Variants in GAS7 observed in about 807,000 individuals in gnomAD.
GAS7 encodes growth arrest specific 7, also known as growth arrest-specific protein 7.
In GAS7, 28 loss-of-function variants were observed where a neutral mutation model predicts 71.1. The observed-to-expected ratio is 0.39, with a 90% confidence interval of 0.29 to 0.54. The LOEUF (loss-of-function observed/expected upper bound fraction) is 0.54, where lower values mean the gene tolerates loss of function less well. GAS7 is among the 20% of genes least tolerant of loss of function. The pLI is 0.62. For missense variants in GAS7, 436 were observed against 627.8 expected, an observed-to-expected ratio of 0.69 and a Z score of 3.27; for synonymous variants, 258 against 245.8, an observed-to-expected ratio of 1.05 and a Z score of -0.46.
At chr17:10,118,222 C>T (rs1017074211) in intron 1 of GAS7, among the ~76,000 whole-genome samples, 6 of 152,136 alleles carry the variant, frequency 3.9e-5, no homozygotes, top group African/African-American at 1.4e-4. Flanking sequence ...CCTGAGCCCT[C>T]GGTTTCTCAG....
At chr17:10,017,474 G>A (rs148855680) in intron 2 of GAS7, among the ~76,000 whole-genome samples, 11 of 152,034 alleles carry the variant, frequency 7.2e-5, no homozygotes, top group Admixed American at 3.9e-4. Context: ...GACTACAGGC[G>A]CCCGCCACCA....
At chr17:10,067,050 C>A (rs1567577692) in intron 1 of GAS7, among the ~76,000 whole-genome samples, 1 of 152,142 alleles carries the variant, frequency 6.6e-6, no homozygotes, top group South Asian at 2.1e-4. Flanking sequence ...AAAAATTGGC[C>A]TCTCTTTGCT....
intron 1 of GAS7, chr17:10,036,475 G>C: frequency 6.2e-7 from 1 of 1,613,804 alleles, no homozygotes; most frequent in Non-Finnish European, 8.5e-7. Flanking sequence ...TGCTACCTCA[G>C]AGGAGAGTCT....
rs545557656 is a variant in GAS7 at position 9,926,651 on chromosome 17, G to A, written c.1004C>T (p.Ser335Leu). 1.4e-5 allele frequency: 22 copies of A among 1,613,522 alleles called. No individual in the cohort carries two copies. Among genetic ancestry groups the A allele is most frequent in the African/African-American group, 8.0e-5 (6 of 75,054 alleles). ...TCCTGGGCCTCTCACCTTCTCCACC[G>A]AGGCATAGCGGCTGGCGAGCTGCTT... ...LRKQLASRYA[S>L]VEKARKALTE... Residue 335 changes from serine (S) to leucine (L), a missense_variant, in exon 10 of 14, where the codon TCG becomes TTG. Physicochemically the swap from Ser to Leu is moderately radical, Grantham distance 145. Coordinates refer to ENST00000432992, the MANE Select transcript of GAS7 (RefSeq NM_201433.2). This position sits in a 1 kb window ranked among gnomAD's most constrained non-coding sequence, Gnocchi z 5.0.
At chr17:10,044,898 CA>C (rs1271553596) in intron 1 of GAS7, among the ~76,000 whole-genome samples, 44 of 152,026 alleles carry the variant, frequency 2.9e-4, no homozygotes, top group Non-Finnish European at 4.3e-4. Flanking sequence ...ACTGAAAATA[CA>C]AAAAATTAGC....
chr17:10,073,737 G>A (rs542799028), intron 1 of GAS7, among the ~76,000 whole-genome samples: 1 of 152,206 alleles, frequency 6.6e-6, no homozygotes, highest in Non-Finnish European at 1.5e-5. Flanking sequence ...GTGCGTGACA[G>A]CTACACGGGC....
chr17:10,118,184 G>T (rs1302581620), intron 1 of GAS7, among the ~76,000 whole-genome samples: 1 of 134,656 alleles, frequency 7.4e-6, no homozygotes, highest in African/African-American at 2.6e-5. Context: ...AAGACAAGAT[G>T]ATAGAGATGG....
In GAS7 at chr17:10,103,555, A is replaced by G. The variant is rs556489259; in HGVS notation, c.184-83658T>C. On this transcript the variant is annotated intron_variant, in intron 1 of 13. Coordinates refer to ENST00000432992, the MANE Select transcript of GAS7 (RefSeq NM_201433.2). The surrounding 1 kb of genome is among the most constrained non-coding windows in gnomAD (Gnocchi z 5.5). Reference sequence around the variant, plus strand: ...GATAGGAACAACCCGGCCAGGCGCGATGGCTCCCACCTGTAATCCCAGCAC... The same window carrying G: ...GATAGGAACAACCCGGCCAGGCGCGGTGGCTCCCACCTGTAATCCCAGCAC... Among the ~76,000 whole-genome samples the G allele has an allele frequency of 1.3e-5, 2 of 149,712 alleles. No homozygotes were observed. The highest frequency in any genetic ancestry group is 2.1e-4 in the South Asian group (1 of 4,684).
intron 3 of GAS7, among the ~76,000 whole-genome samples, chr17:9,972,771 T>C (rs550305491): frequency 6.6e-6 from 1 of 151,746 alleles, no homozygotes; most frequent in South Asian, 2.1e-4. Context: ...AAGATCCCCA[T>C]CCCCCCAACT....
intron 4 of GAS7, among the ~76,000 whole-genome samples, chr17:9,962,276 C>T (rs2069530490): frequency 1.3e-5 from 2 of 149,148 alleles, no homozygotes; most frequent in South Asian, 2.1e-4. Flanking sequence ...ACGTGACACA[C>T]ACACTATCAT....
chr17:10,109,046 G>T (rs2073785582), intron 1 of GAS7, among the ~76,000 whole-genome samples: 1 of 151,896 alleles, frequency 6.6e-6, no homozygotes, highest in Non-Finnish European at 1.5e-5. Context: ...CTATTGAATG[G>T]GAGAGAATAT....
chr17:10,109,782 G>A (rs1022256809), intron 1 of GAS7, among the ~76,000 whole-genome samples: 20 of 152,134 alleles, frequency 1.3e-4, no homozygotes, highest in Non-Finnish European at 2.4e-4. Context: ...AGGGCCAGGC[G>A]CGGTGGTACA....
intron 9 of GAS7, among the ~76,000 whole-genome samples, chr17:9,929,210 T>C (rs1049052041): frequency 1.3e-5 from 2 of 152,150 alleles, no homozygotes; most frequent in Non-Finnish European, 2.9e-5. Context: ...CCGGGGTCTC[T>C]AAGGACATGG....
At chr17:10,086,092 C>T (rs1162763180) in intron 1 of GAS7, among the ~76,000 whole-genome samples, 2 of 152,180 alleles carry the variant, frequency 1.3e-5, no homozygotes, top group Admixed American at 6.5e-5. Context: ...CCCAGGCAGG[C>T]GCGACCATGA....
chr17:9,963,692 A>G (rs2069593053), intron 4 of GAS7, among the ~76,000 whole-genome samples: 1 of 152,112 alleles, frequency 6.6e-6, no homozygotes, highest in Admixed American at 6.6e-5. Context: ...TAATGGTGTC[A>G]CTGTACTGTA....
intron 1 of GAS7, among the ~76,000 whole-genome samples, chr17:10,058,927 T>C (rs1261186870): frequency 2.0e-5 from 3 of 152,234 alleles, no homozygotes; most frequent in Non-Finnish European, 2.9e-5. Flanking sequence ...CAGAGGCCGA[T>C]CCAGATCAAG....
intron 1 of GAS7, among the ~76,000 whole-genome samples, chr17:10,166,168 C>T (rs889418583): frequency 3.3e-5 from 5 of 152,072 alleles, no homozygotes; most frequent in Non-Finnish European, 7.4e-5. Flanking sequence ...GGACTACAGG[C>T]ACACATCACC....
At chr17:9,927,999 C>CT (rs1247572522) in intron 9 of GAS7, among the ~76,000 whole-genome samples, 3 of 152,184 alleles carry the variant, frequency 2.0e-5, no homozygotes, top group Non-Finnish European at 4.4e-5. Context: ...GGGTTTTAAG[C>CT]TTTTTTCTTC....
intron 1 of GAS7, among the ~76,000 whole-genome samples, chr17:10,136,691 G>A (rs1322065433): frequency 2.0e-5 from 3 of 152,158 alleles, no homozygotes; most frequent in East Asian, 1.9e-4. Context: ...GGCAGCCAGC[G>A]TGATCCTGCA....
Sources: gnomAD v4.1 joint callset for allele counts (sites outside exome capture counted in the v4.1 genomes callset) on GRCh38, gnomAD v4.1.1 for gene constraint, Gnocchi (gnomAD v3.1) non-coding constraint, MANE v1.5 for transcripts, NCBI Gene and HGNC (gene_info 2026-07-23, HGNC 2026-07-21) for gene names.